MBOAT2: variants seen among roughly 807,000 people sequenced by gnomAD.
The protein encoded by MBOAT2 is membrane bound glycerophospholipid O-acyltransferase 2.
Under a neutral mutation model 63.4 loss-of-function variants are expected in MBOAT2, and 28 were observed. The ratio of observed to expected loss-of-function variants is 0.44; its 90% CI spans 0.33 to 0.61. The LOEUF (loss-of-function observed/expected upper bound fraction) is 0.61. Among genes scored for constraint, MBOAT2 ranks in the 20% least tolerant of loss-of-function variants. MBOAT2 has a pLI of 0.03. For synonymous variants in MBOAT2, 211 were observed against 215.6 expected (o/e 0.98, Z 0.19); for missense variants, 470 against 605.8 (o/e 0.78, Z 2.35).
intron 8 of MBOAT2, among the ~76,000 whole-genome samples, chr2:8,871,774 T>C (rs879383955): frequency 2.0e-5 from 3 of 152,092 alleles, no homozygotes; most frequent in Non-Finnish European, 4.4e-5. Flanking sequence ...TTCACTGTAA[T>C]CAAAATAAAA....
intron 3 of MBOAT2, among the ~76,000 whole-genome samples, chr2:8,934,560 A>G (rs1311111885): frequency 1.3e-5 from 2 of 152,242 alleles, no homozygotes; most frequent in East Asian, 1.9e-4. Context: ...GGAGGATAAG[A>G]TAATATCAAA....
At chr2:8,874,599 T>A (rs559204788) in intron 7 of MBOAT2, among the ~76,000 whole-genome samples, 1 of 152,238 alleles carries the variant, frequency 6.6e-6, no homozygotes, top group African/African-American at 2.4e-5. Flanking sequence ...ACAGCCTGTA[T>A]CCTGAGAGGT....
chr2:8,997,028 C>T (rs1672358563), intron 1 of MBOAT2, among the ~76,000 whole-genome samples: 1 of 152,252 alleles, frequency 6.6e-6, no homozygotes, highest in Non-Finnish European at 1.5e-5. Context: ...GTCACCAGTG[C>T]CTGTTCCGAT....
At position 8,862,058 on chromosome 2, in the gene MBOAT2, A is replaced by G. The variant is rs1000543018; in HGVS notation, c.1185+532T>C. On this transcript the variant is annotated intron_variant, in intron 11 of 12. Transcript: ENST00000305997. The surrounding 1 kb of genome is among the most constrained non-coding windows in gnomAD (Gnocchi z 4.3). ...GGTTTTCAAGGGCTTACCCTAAATT[A>G]TCCTTCTCCTTATTTCTTTCATGTC... 2.0e-5 allele frequency among the ~76,000 whole-genome samples: 3 copies of G among 152,182 alleles called. No homozygotes were observed. Among genetic ancestry groups the G allele is most frequent in the East Asian group, 3.8e-4 (2 of 5,200 alleles).
intron 6 of MBOAT2, among the ~76,000 whole-genome samples, chr2:8,879,667 G>T (rs536200888): frequency 6.6e-6 from 1 of 152,046 alleles, no homozygotes; most frequent in Non-Finnish European, 1.5e-5. Flanking sequence ...GCTACCCACC[G>T]GACGCCAGTA....
chr2:8,884,258 G>A (rs1411576842), intron 5 of MBOAT2, among the ~76,000 whole-genome samples: 2 of 133,582 alleles, frequency 1.5e-5, no homozygotes, highest in African/African-American at 5.7e-5. Flanking sequence ...GGACATGGAA[G>A]ATTATTTTTT....
chr2:8,875,506 G>A (rs1482209057), intron 7 of MBOAT2, among the ~76,000 whole-genome samples: 1 of 152,094 alleles, frequency 6.6e-6, no homozygotes, highest in Non-Finnish European at 1.5e-5. Flanking sequence ...ATTTTACAAA[G>A]TCATTTGATC....
At chr2:8,876,031 A>G (rs2148528868) in intron 7 of MBOAT2, among the ~76,000 whole-genome samples, 1 of 152,316 alleles carries the variant, frequency 6.6e-6, no homozygotes, top group South Asian at 2.1e-4. Flanking sequence ...TAAGCCCTAC[A>G]TTCACAGAAA....
In MBOAT2 at chr2:8,877,319, T is replaced by C; in HGVS notation, c.507-106A>G. The C allele has an allele frequency of 2.9e-6, 3 of 1,038,184 alleles. No individual in the cohort carries two copies. In the South Asian group the frequency reaches 5.1e-5, roughly 17 times the overall value. 64.3% of individuals were successfully genotyped at this position (1,038,184 alleles called of 1,614,324 possible). ...TCTCCATTTCCAAAGTAAAACAAGC[T>C]TTCATTTTCATTTGTACCCATACAA... On this transcript the variant is annotated intron_variant, in intron 6 of 12. Transcript: ENST00000305997.
chr2:8,854,607 G>A lies in MBOAT2; in HGVS notation c.*4072C>T, dbSNP rs1477735672. ...TTTCTTTCAATTATAATGTAGAACTGTTAAGACCAATTAACTAATAATTGT... is the reference window on the plus strand; with the variant it reads ...TTTCTTTCAATTATAATGTAGAACTATTAAGACCAATTAACTAATAATTGT... On this transcript the variant is annotated 3_prime_UTR_variant, in exon 13 of 13. Coordinates refer to ENST00000305997, the MANE Select transcript of MBOAT2 (RefSeq NM_138799.4). 2.0e-5 allele frequency: 3 copies of A among 152,248 alleles called. No individual in the cohort carries two copies. Among genetic ancestry groups the A allele is most frequent in the Non-Finnish European group, 1.5e-5 (1 of 68,004 alleles). 9.4% of individuals were successfully genotyped at this position (152,248 alleles called of 1,614,324 possible).
At chr2:8,893,761 TTCAAA>T (rs1439642667) in intron 4 of MBOAT2, among the ~76,000 whole-genome samples, 1 of 152,196 alleles carries the variant, frequency 6.6e-6, no homozygotes, top group East Asian at 1.9e-4. Flanking sequence ...GGGAATGCAT[TTCAAA>T]CAAGAGTCAT....
chr2:8,880,153 T>C (rs1663006260), intron 6 of MBOAT2, among the ~76,000 whole-genome samples: 2 of 151,972 alleles, frequency 1.3e-5, no homozygotes, highest in Admixed American at 6.6e-5. Context: ...AAAAGTAGGC[T>C]GCACAGGGCA....
At chr2:8,860,484 T>C (rs1392102675) in intron 12 of MBOAT2, 129 bp downstream of exon 12, 6 of 902,866 alleles carry the variant, frequency 6.6e-6, no homozygotes, top group Non-Finnish European at 1.0e-5. Flanking sequence ...AATTAAAAAG[T>C]AACTGATAAT....
At chr2:8,986,852 A>G (rs1190846093) in intron 1 of MBOAT2, among the ~76,000 whole-genome samples, 1 of 152,150 alleles carries the variant, frequency 6.6e-6, no homozygotes, top group Admixed American at 6.5e-5. Flanking sequence ...GCACACCCCC[A>G]AGTGGTGGCT....
chr2:8,856,292 G>A lies in MBOAT2; in HGVS notation c.*2387C>T, dbSNP rs1661073069. 1 of 142,532 alleles carries A rather than the reference G, an allele frequency of 7.0e-6. No homozygotes were observed. The highest frequency in any genetic ancestry group is 3.0e-5 in the African/African-American group (1 of 33,600). 8.8% of individuals were successfully genotyped at this position (142,532 alleles called of 1,614,324 possible). A position where few individuals can be genotyped will look rare whatever the true frequency, so the allele number is the denominator to read the frequency against. On this transcript the variant is annotated 3_prime_UTR_variant, in exon 13 of 13. Coordinates refer to ENST00000305997, the MANE Select transcript of MBOAT2 (RefSeq NM_138799.4). The surrounding 1 kb of genome is among the most constrained non-coding windows in gnomAD (Gnocchi z 4.2). Reference sequence around the variant, plus strand: ...AAATGTGATTATTTGTAGGTGGCTAGATAGGCTGAACCAAAAAAAAACACA... The same window carrying A: ...AAATGTGATTATTTGTAGGTGGCTAAATAGGCTGAACCAAAAAAAAACACA...
In MBOAT2 at chr2:8,908,658, T is replaced by C. The variant is rs1401088204; in HGVS notation, c.358A>G (p.Ile120Val). The C allele has an allele frequency of 1.2e-6, 2 of 1,611,340 alleles. No individual in the cohort carries two copies. The highest frequency in any genetic ancestry group is 1.7e-6 in the Non-Finnish European group (2 of 1,178,096). The part of the protein sequence containing the change: ...LTVCQVTRVY[I>V]FDYGQYSADF... ...GCAGAATATTGTCCATAGTCAAAGA[T>C]ATAGACTCGAGTAACTTGGCACACT... Residue 120 changes from isoleucine to valine, a missense_variant, in exon 4 of 13, where the codon ATC becomes GTC. This residue lies in a region of MBOAT2 where 376 missense variants were observed against 503.8 expected (regional missense o/e 0.75). Transcript: ENST00000305997.
intron 4 of MBOAT2, among the ~76,000 whole-genome samples, chr2:8,889,032 CTG>C (rs1176192213): frequency 2.0e-5 from 3 of 152,208 alleles, no homozygotes; most frequent in African/African-American, 7.2e-5. Flanking sequence ...TCAAGGTAGA[CTG>C]TGCTCTATAC....
intron 2 of MBOAT2, among the ~76,000 whole-genome samples, chr2:8,950,808 T>C (rs966353235): frequency 6.6e-6 from 1 of 152,230 alleles, no homozygotes; most frequent in Non-Finnish European, 1.5e-5. Context: ...TGAGGTATGT[T>C]CCTTTGATGC....
chr2:8,985,309 C>A (rs1372429953), intron 1 of MBOAT2, among the ~76,000 whole-genome samples: 1 of 152,108 alleles, frequency 6.6e-6, no homozygotes, highest in South Asian at 2.1e-4. Context: ...TCATTCGAAT[C>A]AAATTACCAC....
Sources: gnomAD v4.1 joint callset for allele counts (sites outside exome capture counted in the v4.1 genomes callset) on GRCh38, gnomAD v4.1.1 for gene constraint, gnomAD v4.1.1 regional missense constraint, Gnocchi (gnomAD v3.1) non-coding constraint, MANE v1.5 for transcripts, NCBI Gene and HGNC (gene_info 2026-07-23, HGNC 2026-07-21) for gene names.